PTN: variants seen among roughly 807,000 people sequenced by gnomAD.
PTN encodes heparin affin regulatory protein.
A neutral mutation model predicts 24.1 loss-of-function variants in PTN; 18 were observed. That is an observed-to-expected ratio of 0.75 (90% confidence interval 0.52 to 1.11). The LOEUF (loss-of-function observed/expected upper bound fraction) is 1.11. Ranked by LOEUF, PTN falls within the 50% of genes least tolerant of loss-of-function variation. The pLI is 0.00. For missense variants in PTN, 163 were observed against 198.8 expected (o/e 0.82, Z 1.08); for synonymous variants, 78 against 68.6 (o/e 1.14, Z -0.67).
In PTN at chr7:137,342,593, A is replaced by G. The variant is rs192306438; in HGVS notation, c.-2+846T>C. ...GAGAAAGGGGTGTGTGTGTATGGAG[A>G]GGAGAGAGGAGGTTTCACTTTCCAT... On this transcript the variant is annotated intron_variant, in intron 1 of 4. Transcript: ENST00000348225. Among the ~76,000 whole-genome samples the G allele has an allele frequency of 1.9e-3, 292 of 152,144 alleles. 2 individuals carry two copies. The highest frequency in any genetic ancestry group is 5.1e-3 in the Admixed American group (78 of 15,282).
At chr7:137,265,435 T>C (rs926424258) in intron 1 of PTN, among the ~76,000 whole-genome samples, 6 of 152,238 alleles carry the variant, frequency 3.9e-5, no homozygotes, top group African/African-American at 1.4e-4. Flanking sequence ...AATGGCTGAC[T>C]GATTGATAAG....
intron 1 of PTN, among the ~76,000 whole-genome samples, chr7:137,319,329 T>C (rs1439719276): frequency 6.6e-6 from 1 of 152,246 alleles, no homozygotes; most frequent in Non-Finnish European, 1.5e-5. Flanking sequence ...TTGGTAAATG[T>C]GAGATATTAC....
intron 1 of PTN, among the ~76,000 whole-genome samples, chr7:137,266,512 TG>T (rs901927500): frequency 3.0e-5 from 4 of 131,212 alleles, no homozygotes; most frequent in Non-Finnish European, 4.7e-5. Flanking sequence ...TTCTTCCACA[TG>T]CTCAACTTTC....
intron 1 of PTN, among the ~76,000 whole-genome samples, chr7:137,335,928 C>CCTT (rs1452375474): frequency 2.8e-5 from 4 of 141,896 alleles, no homozygotes; most frequent in Non-Finnish European, 1.5e-5. Flanking sequence ...TGTCTTCTCG[C>CCTT]TTTTTTTTTT....
At chr7:137,264,385 T>C (rs1384837054) in intron 1 of PTN, among the ~76,000 whole-genome samples, 1 of 152,192 alleles carries the variant, frequency 6.6e-6, no homozygotes, top group Non-Finnish European at 1.5e-5. Context: ...GTCCTTACTG[T>C]GCAAGTCCAA....
At chr7:137,272,162 G>T (rs759254394) in intron 1 of PTN, among the ~76,000 whole-genome samples, 6 of 152,038 alleles carry the variant, frequency 3.9e-5, no homozygotes, top group Non-Finnish European at 8.8e-5. Flanking sequence ...TCTTCCTGTT[G>T]TCTTTCTTAT....
chr7:137,240,356 C>T (rs1171693402), intron 4 of PTN, among the ~76,000 whole-genome samples: 1 of 152,026 alleles, frequency 6.6e-6, no homozygotes, highest in Non-Finnish European at 1.5e-5. Context: ...AGAAACAATG[C>T]TAAAGGACTC....
chr7:137,261,589 G>A (rs1054431142), intron 1 of PTN, among the ~76,000 whole-genome samples: 6 of 152,062 alleles, frequency 3.9e-5, no homozygotes, highest in Non-Finnish European at 7.4e-5. Flanking sequence ...CCTAAAAATC[G>A]CTGAGAAAAG....
intron 1 of PTN, among the ~76,000 whole-genome samples, chr7:137,338,514 C>T (rs1336985337): frequency 2.6e-5 from 4 of 152,202 alleles, no homozygotes; most frequent in Non-Finnish European, 5.9e-5. Context: ...TTTGTGAGCT[C>T]CACTTTCCTT....
intron 1 of PTN, among the ~76,000 whole-genome samples, chr7:137,330,587 A>T (rs1210471000): frequency 1.3e-5 from 2 of 152,168 alleles, no homozygotes; most frequent in Non-Finnish European, 2.9e-5. Context: ...GAGGACATGA[A>T]TGAAAACAAT....
At chr7:137,340,404 A>G (rs1037514648) in intron 1 of PTN, among the ~76,000 whole-genome samples, 1 of 152,206 alleles carries the variant, frequency 6.6e-6, no homozygotes, top group African/African-American at 2.4e-5. Flanking sequence ...CATGAAAACT[A>G]TGCCGCACAC....
chr7:137,263,705 G>A (rs1809084055), intron 1 of PTN, among the ~76,000 whole-genome samples: 1 of 152,102 alleles, frequency 6.6e-6, no homozygotes, highest in African/African-American at 2.4e-5. Flanking sequence ...AGGAAGCATA[G>A]ACAGGGAAGC....
At chr7:137,318,386 C>T (rs1045520994) in intron 1 of PTN, among the ~76,000 whole-genome samples, 7 of 152,216 alleles carry the variant, frequency 4.6e-5, no homozygotes, top group East Asian at 1.9e-4. Context: ...GTAACTCCAG[C>T]GATTCCAGAG....
chr7:137,283,196 C>CA (rs34145025), intron 1 of PTN, among the ~76,000 whole-genome samples: 6 of 151,778 alleles, frequency 4.0e-5, no homozygotes, highest in African/African-American at 7.3e-5. Context: ...GTTTAGCTGG[C>CA]AAAAAAATAG....
chr7:137,252,077 T>A (rs766920491), intron 3 of PTN, among the ~76,000 whole-genome samples: 2 of 151,978 alleles, frequency 1.3e-5, no homozygotes, highest in Non-Finnish European at 2.9e-5. Flanking sequence ...ACATGGTAAA[T>A]GCATGTTTCA....
intron 1 of PTN, chr7:137,326,942 C>CATAA (rs144219213): frequency 6.6e-6 from 1 of 150,966 alleles, no homozygotes; most frequent in Non-Finnish European, 1.5e-5. Flanking sequence ...TAAATGAACA[C>CATAA]ATGAATGAAT....
intron 1 of PTN, among the ~76,000 whole-genome samples, chr7:137,267,749 C>T (rs1267565012): frequency 6.6e-6 from 1 of 152,124 alleles, no homozygotes; most frequent in Non-Finnish European, 1.5e-5. Flanking sequence ...AAAGGGCACA[C>T]ACACACTTTT....
In PTN at chr7:137,334,601, T is replaced by C. The variant is rs1367303754; in HGVS notation, c.-2+8838A>G. Among the ~76,000 whole-genome samples, 119 of 107,628 alleles carry C rather than the reference T, an allele frequency of 1.1e-3. 2 individuals carry two copies. Among genetic ancestry groups the C allele is most frequent in the African/African-American group, 3.5e-3 (108 of 30,548 alleles). The allele number at this position is 107,628 out of a possible 152,430, so 70.6% of individuals were successfully genotyped here. A position where few individuals can be genotyped will look rare whatever the true frequency, so the allele number is the denominator to read the frequency against. ...CACTTTTACACTGTTGATGGGACTG[T>C]AAACTAGTTCAACCATTGTGGAAGT... On this transcript the variant is annotated intron_variant, in intron 1 of 4. Transcript: ENST00000348225.
chr7:137,300,522 G>A (rs1173620961), intron 1 of PTN, among the ~76,000 whole-genome samples: 1 of 151,908 alleles, frequency 6.6e-6, no homozygotes, highest in African/African-American at 2.4e-5. Context: ...ACAGGAGCAA[G>A]AACCTAACTC....
Sources: gnomAD v4.1 joint callset for allele counts (sites outside exome capture counted in the v4.1 genomes callset) on GRCh38, gnomAD v4.1.1 for gene constraint, MANE v1.5 for transcripts, NCBI Gene and HGNC (gene_info 2026-07-23, HGNC 2026-07-21) for gene names.